The following ZHX2 variants were observed in gnomAD, a reference collection of about 807,000 sequenced individuals.
The protein encoded by ZHX2 is zinc fingers and homeoboxes protein 2.
A neutral mutation model predicts 21.9 loss-of-function variants in ZHX2; 6 were observed. That is an observed-to-expected ratio of 0.27 (90% confidence interval 0.15 to 0.54). The LOEUF (loss-of-function observed/expected upper bound fraction) is 0.54. Ranked by LOEUF, ZHX2 falls within the 20% of genes least tolerant of loss-of-function variation. The pLI is 0.95. For synonymous variants in ZHX2, 434 were observed against 437.1 expected, an observed-to-expected ratio of 0.99 and a Z score of 0.09; for missense variants, 908 against 1,090.7, an observed-to-expected ratio of 0.83 and a Z score of 2.36.
chr8:122,910,229 G>A (rs972999777), intron 2 of ZHX2, among the ~76,000 whole-genome samples: 3 of 151,860 alleles, frequency 2.0e-5, no homozygotes, highest in African/African-American at 7.3e-5. Flanking sequence ...CGGGCACATC[G>A]CATTACCTTA....
intron 1 of ZHX2, among the ~76,000 whole-genome samples, chr8:122,820,560 G>C (rs1414063698): frequency 1.3e-5 from 2 of 152,232 alleles, no homozygotes; most frequent in African/African-American, 2.4e-5. Flanking sequence ...AGCGGGGGAT[G>C]GGGGAGATGC....
At chr8:122,860,930 G>A (rs1261108233) in intron 1 of ZHX2, among the ~76,000 whole-genome samples, 1 of 151,798 alleles carries the variant, frequency 6.6e-6, no homozygotes. Flanking sequence ...CTACTCGGGA[G>A]GCTGAAGCAG....
At chr8:122,841,671 A>T (rs1328039943) in intron 1 of ZHX2, among the ~76,000 whole-genome samples, 1 of 152,178 alleles carries the variant, frequency 6.6e-6, no homozygotes, top group African/African-American at 2.4e-5. Context: ...CCCTCCAGCT[A>T]GAGAGAGTGG....
chr8:122,815,916 C>T (rs1338735080), intron 1 of ZHX2: 1 of 152,076 alleles, frequency 6.6e-6, no homozygotes, highest in Non-Finnish European at 1.5e-5. Flanking sequence ...CTCGTCTCTA[C>T]TGAAAATACA....
chr8:122,943,510 G>A (rs961049658), intron 2 of ZHX2, among the ~76,000 whole-genome samples: 1 of 152,172 alleles, frequency 6.6e-6, no homozygotes, highest in African/African-American at 2.4e-5. Flanking sequence ...AATGTTGGCT[G>A]TCATTATTGT....
At chr8:122,964,138 T>C (rs1331689038) in intron 3 of ZHX2, among the ~76,000 whole-genome samples, 1 of 152,200 alleles carries the variant, frequency 6.6e-6, no homozygotes, top group Admixed American at 6.5e-5. Context: ...CCTTTATTTC[T>C]TTCTCTTGTC....
chr8:122,951,916 G>A lies in ZHX2; in HGVS notation c.406G>A (p.Glu136Lys), dbSNP rs1254074495. The A allele has an allele frequency of 6.2e-7, 1 of 1,614,016 alleles. No homozygotes were observed. Among genetic ancestry groups the A allele is most frequent in the South Asian group, 1.1e-5 (1 of 91,068 alleles). Residue 136 changes from glutamate (E) to lysine (K), a missense_variant, in exon 3 of 4, where the codon GAG becomes AAG. Coordinates refer to ENST00000314393, the MANE Select transcript of ZHX2 (RefSeq NM_014943.5). ...CCACAACTCCAAGTTCCATCCCGGG[G>A]AGGCCAACTTCAAGCTGAAGTTAAT... ...SDHNSKFHPG[E>K]ANFKLKLIKR...
In ZHX2 at chr8:122,898,807, C is replaced by A. The variant is rs1433639385; in HGVS notation, c.-220+35268C>A. Among the ~76,000 whole-genome samples, 4 of 152,356 alleles carry A rather than the reference C, an allele frequency of 2.6e-5. No homozygotes were observed. The South Asian group carries it at 8.3e-4, about 32-fold the overall frequency. ...ATAGGGAAACTGAGGTGCAGAGATG[C>A]TAAGCCAGTTGCTGAGGTCACTCTG... On this transcript the variant is annotated intron_variant, in intron 2 of 3. Transcript: ENST00000314393.
intron 1 of ZHX2, among the ~76,000 whole-genome samples, chr8:122,798,408 G>C (rs886885641): frequency 6.6e-6 from 1 of 152,148 alleles, no homozygotes; most frequent in Non-Finnish European, 1.5e-5. Flanking sequence ...GGTAGCTGCA[G>C]AATGTTGATC....
intron 1 of ZHX2, among the ~76,000 whole-genome samples, chr8:122,832,478 C>T (rs920077579): frequency 2.6e-5 from 4 of 152,200 alleles, no homozygotes; most frequent in South Asian, 2.1e-4. Context: ...TACAACTCCA[C>T]GCCGTTCGTC....
At chr8:122,831,786 G>A (rs764990925) in intron 1 of ZHX2, among the ~76,000 whole-genome samples, 3 of 152,160 alleles carry the variant, frequency 2.0e-5, no homozygotes, top group East Asian at 3.9e-4. Context: ...AGGATACCCC[G>A]TTCTTTCCAG....
intron 2 of ZHX2, among the ~76,000 whole-genome samples, chr8:122,904,625 A>G (rs185834166): frequency 1.3e-5 from 2 of 152,288 alleles, no homozygotes; most frequent in African/African-American, 4.8e-5. Flanking sequence ...GTCAAGGCCA[A>G]ATGGAGAACC....
At chr8:122,851,501 T>C (rs975115904) in intron 1 of ZHX2, among the ~76,000 whole-genome samples, 2 of 152,188 alleles carry the variant, frequency 1.3e-5, no homozygotes, top group Non-Finnish European at 2.9e-5. Flanking sequence ...ATCCCTTTAT[T>C]CTGGTTTTTC....
Position 122,909,231 on chromosome 8 carries a change from G to A in ZHX2, c.-219-42061G>A, listed in dbSNP as rs545710151. Among the ~76,000 whole-genome samples the A allele has an allele frequency of 7.2e-5, 11 of 152,248 alleles. 1 individual carries two copies. In the South Asian group the frequency reaches 2.3e-3, roughly 32 times the overall value. On this transcript the variant is annotated intron_variant, in intron 2 of 3. Transcript: ENST00000314393. Reference sequence around the variant, plus strand: ...GGATCACTTGAGGTCAGGAGTTCAAGACCAGCTTGGCCCACAGGGTGAAAC... The same window carrying A: ...GGATCACTTGAGGTCAGGAGTTCAAAACCAGCTTGGCCCACAGGGTGAAAC...
intron 1 of ZHX2, among the ~76,000 whole-genome samples, chr8:122,817,030 A>C (rs966702842): frequency 2.6e-5 from 4 of 152,170 alleles, no homozygotes; most frequent in Non-Finnish European, 5.9e-5. Flanking sequence ...AAGAGAACAA[A>C]AAGTGGGGGA....
intron 2 of ZHX2, among the ~76,000 whole-genome samples, chr8:122,900,407 C>A (rs1820200081): frequency 6.6e-6 from 1 of 152,140 alleles, no homozygotes; most frequent in Non-Finnish European, 1.5e-5. Context: ...TAGAGTGAGA[C>A]TCGCCCACGA....
chr8:122,961,880 C>G (rs1813459488), intron 3 of ZHX2, among the ~76,000 whole-genome samples: 2 of 152,186 alleles, frequency 1.3e-5, no homozygotes, highest in African/African-American at 4.8e-5. Flanking sequence ...CCAATAGATA[C>G]TGCATCTCAA....
chr8:122,948,799 T>A (rs1249445868), intron 2 of ZHX2, among the ~76,000 whole-genome samples: 2 of 152,172 alleles, frequency 1.3e-5, no homozygotes, highest in Admixed American at 6.5e-5. Flanking sequence ...GTCTTACAGC[T>A]TAACCCAAGA....
At chr8:122,948,594 A>G (rs952200976) in intron 2 of ZHX2, among the ~76,000 whole-genome samples, 7 of 152,222 alleles carry the variant, frequency 4.6e-5, no homozygotes, top group African/African-American at 1.7e-4. Context: ...TAAACATACA[A>G]AAGTTCTTTT....
Sources: allele counts gnomAD v4.1 joint callset (sites outside exome capture counted in the v4.1 genomes callset), GRCh38; gene constraint gnomAD v4.1.1; transcripts MANE v1.5; gene names NCBI Gene and HGNC (gene_info 2026-07-23, HGNC 2026-07-21).